C6orf89: variants seen among roughly 807,000 people sequenced by gnomAD.
C6orf89 encodes the protein chromosome 6 open reading frame 89.
Under a neutral mutation model 40.7 loss-of-function variants are expected in C6orf89, and 29 were observed. That is an observed-to-expected ratio of 0.71 (90% CI 0.53 to 0.97). C6orf89 has a LOEUF of 0.97. Ranked by LOEUF, C6orf89 falls within the 50% of genes least tolerant of loss-of-function variation. The probability of loss-of-function intolerance (pLI) is 0.00; values close to 1 mark genes in which losing one functional copy is unlikely to be tolerated. For missense variants in C6orf89, 392 were observed against 429.1 expected (o/e 0.91, Z 0.76); for synonymous variants, 165 against 152.2 (o/e 1.08, Z -0.62).
chr6:36,899,337 T>A (rs1220629940), intron 2 of C6orf89, 89 bp from the exon 3 acceptor site: 1 of 1,195,236 alleles, frequency 8.4e-7, no homozygotes, highest in Non-Finnish European at 1.2e-6. Context: ...AACTGGTCCT[T>A]CTCTACAGAT....
At chr6:36,913,324 C>T (rs956969673) in intron 4 of C6orf89, among the ~76,000 whole-genome samples, 1 of 152,178 alleles carries the variant, frequency 6.6e-6, no homozygotes, top group African/African-American at 2.4e-5. Context: ...GGCCCCACCC[C>T]CTCCTGAGCT....
At chr6:36,889,276 A>G (rs1281326117) in intron 1 of C6orf89, among the ~76,000 whole-genome samples, 1 of 152,246 alleles carries the variant, frequency 6.6e-6, no homozygotes, top group Non-Finnish European at 1.5e-5. Context: ...TTAGAAAGCC[A>G]TTTGTGGCCT....
chr6:36,894,463 G>C (rs779583522), intron 1 of C6orf89, 41 bp from the exon 2 acceptor site: 5 of 924,808 alleles, frequency 5.4e-6, no homozygotes, highest in Non-Finnish European at 6.5e-6. Context: ...ACCAAGATGT[G>C]AAAAATGTTG....
chr6:36,880,881 C>G (rs1405675825), upstream of C6orf89, among the ~76,000 whole-genome samples: 1 of 152,208 alleles, frequency 6.6e-6, no homozygotes, highest in Non-Finnish European at 1.5e-5. Flanking sequence ...AAAGTCTAAA[C>G]ATGTCACACA....
At chr6:36,894,897 A>G (rs760552983) in intron 2 of C6orf89, among the ~76,000 whole-genome samples, 3 of 152,182 alleles carry the variant, frequency 2.0e-5, no homozygotes, top group Non-Finnish European at 4.4e-5. Context: ...TTTTAGAGCG[A>G]GACTCTAAAA....
intron 7 of C6orf89, among the ~76,000 whole-genome samples, chr6:36,918,191 G>T (rs1224337606): frequency 2.6e-5 from 4 of 152,194 alleles, no homozygotes. Context: ...CGGGGAGAAG[G>T]TGAGGGCCTC....
chr6:36,904,217 C>T (rs1343202250), intron 4 of C6orf89, among the ~76,000 whole-genome samples: 3 of 152,166 alleles, frequency 2.0e-5, no homozygotes, highest in African/African-American at 7.2e-5. Context: ...AATGGGGCAT[C>T]GTCAATGAAC....
In C6orf89 at chr6:36,926,587, GA is replaced by G. The variant is rs1299439010; in HGVS notation, c.*3147del. The G allele has an allele frequency of 7.7e-6, 1 of 130,342 alleles. No individual in the cohort carries two copies. Among genetic ancestry groups the G allele is most frequent in the African/African-American group, 3.1e-5 (1 of 32,754 alleles). 8.1% of individuals were successfully genotyped at this position (130,342 alleles called of 1,614,324 possible). A position where few individuals can be genotyped will look rare whatever the true frequency, so the allele number is the denominator to read the frequency against. On this transcript the variant is annotated 3_prime_UTR_variant, in exon 9 of 9. Coordinates refer to ENST00000480824, the MANE Select transcript of C6orf89 (RefSeq NM_001286635.2). ...AGAGAGAGAAAAGAAGAGGGGAGGG[GA>G]GGGAAAGGGAAGGGAGGGGAGGGGA... is the stretch of plus-strand genomic sequence containing the variant.
At chr6:36,876,000 G>A (rs1156747878) in intron 1 of C6orf89, among the ~76,000 whole-genome samples, 3 of 152,230 alleles carry the variant, frequency 2.0e-5, no homozygotes, top group African/African-American at 7.2e-5. Context: ...GCTCAGCTTT[G>A]CTGAATGAAT....
At chr6:36,923,196 A>T in intron 8 of C6orf89, 151 bp from the exon 9 acceptor site, 2 of 599,972 alleles carry the variant, frequency 3.3e-6, no homozygotes, top group Non-Finnish European at 5.9e-6. Context: ...GAAAAAGAAA[A>T]AAAAGGAAAC....
chr6:36,916,339 C>T, intron 6 of C6orf89, 106 bp from the exon 7 acceptor site: 2 of 1,361,572 alleles, frequency 1.5e-6, no homozygotes, highest in Admixed American at 2.0e-5. Context: ...ATATTTTTCC[C>T]TCTTTACCCA....
chr6:36,872,679 C>T (rs1041428288), intron 1 of C6orf89, among the ~76,000 whole-genome samples: 2 of 152,128 alleles, frequency 1.3e-5, no homozygotes, highest in African/African-American at 4.8e-5. Flanking sequence ...ACAATCTCAG[C>T]TTATCGCAAC....
rs1033391345 is a variant in C6orf89, at chr6:36,927,682, TATTTGG to T, written c.*4243_*4248del. On this transcript the variant is annotated 3_prime_UTR_variant, in exon 9 of 9. Transcript: ENST00000480824. ...GTACTTTAGGCTGAAATTCTCTCTG[TATTTGG>T]ACCTGCAGATGTTGTGTACAGAACC... 6.6e-6 allele frequency: 1 copy of T among 152,208 alleles called. No homozygotes were observed. Among genetic ancestry groups the T allele is most frequent in the African/African-American group, 2.4e-5 (1 of 41,442 alleles). 9.4% of individuals were successfully genotyped at this position (152,208 alleles called of 1,614,324 possible).
intron 2 of C6orf89, among the ~76,000 whole-genome samples, chr6:36,897,271 T>C (rs1265325480): frequency 3.3e-5 from 5 of 152,176 alleles, no homozygotes; most frequent in Non-Finnish European, 7.3e-5. Context: ...ATGTAGGGTA[T>C]TCGTTCCAGA....
chr6:36,901,342 T>A (rs1761700487), intron 3 of C6orf89, among the ~76,000 whole-genome samples: 1 of 109,396 alleles, frequency 9.1e-6, no homozygotes, highest in Non-Finnish European at 1.9e-5. Flanking sequence ...TTTTTTTTTT[T>A]TTTTTTTTTT....
intron 1 of C6orf89, among the ~76,000 whole-genome samples, chr6:36,872,492 T>G (rs957810755): frequency 6.6e-6 from 1 of 152,146 alleles, no homozygotes; most frequent in Non-Finnish European, 1.5e-5. Context: ...ACCTACCCAA[T>G]AGGATGAGTG....
At chr6:36,893,189 CT>C (rs1761286253) in intron 1 of C6orf89, among the ~76,000 whole-genome samples, 1 of 152,046 alleles carries the variant, frequency 6.6e-6, no homozygotes, top group Non-Finnish European at 1.5e-5. Context: ...CCGCCTCGGC[CT>C]CCCAAAGTGC....
chr6:36,926,025 T>A lies in C6orf89; in HGVS notation c.*2584T>A, dbSNP rs988720429. The A allele has an allele frequency of 6.6e-6, 1 of 152,242 alleles. No individual in the cohort carries two copies. Among genetic ancestry groups the A allele is most frequent in the Non-Finnish European group, 1.5e-5 (1 of 68,056 alleles). 9.4% of individuals were successfully genotyped at this position (152,242 alleles called of 1,614,324 possible). ...GATGACCTCTGTACATGAGTTAGGT[T>A]CACTTTCATGTGGCCTCCCACTACA... On this transcript the variant is annotated 3_prime_UTR_variant, in exon 9 of 9. Transcript: ENST00000480824.
At chr6:36,876,226 A>G (rs1301086609) in intron 1 of C6orf89, among the ~76,000 whole-genome samples, 1 of 151,886 alleles carries the variant, frequency 6.6e-6, no homozygotes, top group African/African-American at 2.4e-5. Flanking sequence ...CCAGGCTCCA[A>G]TGTCTGAATA....
Sources: allele counts gnomAD v4.1 joint callset (sites outside exome capture counted in the v4.1 genomes callset), GRCh38; gene constraint gnomAD v4.1.1; transcripts MANE v1.5; gene names NCBI Gene and HGNC (gene_info 2026-07-23, HGNC 2026-07-21).